The following LIN54 variants were observed in gnomAD, a reference collection of about 807,000 sequenced individuals.
LIN54 encodes the protein lin-54 DREAM MuvB core complex component.
In LIN54, 9 loss-of-function variants were observed where a neutral mutation model predicts 78.7. The observed-to-expected ratio is 0.11, with a 90% CI of 0.07 to 0.20. The LOEUF is 0.20. LIN54 is among the 10% of genes least tolerant of loss of function. LIN54 has a pLI of 1.00. For synonymous variants in LIN54, 269 were observed against 318.4 expected (o/e 0.84, Z 1.65); for missense variants, 573 against 889.9 (o/e 0.64, Z 4.53).
In LIN54 at chr4:82,927,976, T is replaced by C. The variant is rs530921732; in HGVS notation, c.*126A>G. 1.2e-5 allele frequency: 9 copies of C among 749,590 alleles called. No homozygotes were observed. Among genetic ancestry groups the C allele is most frequent in the Non-Finnish European group, 1.6e-5 (7 of 449,182 alleles). 46.4% of individuals were successfully genotyped at this position (749,590 alleles called of 1,614,324 possible). A position where few individuals can be genotyped will look rare whatever the true frequency, so the allele number is the denominator to read the frequency against. Reference sequence around the variant, plus strand: ...TAAAATTTCTTCTCCTTCAGTATTATAATTTCAGGTCTTTTAAAACAAGGA... The same window carrying C: ...TAAAATTTCTTCTCCTTCAGTATTACAATTTCAGGTCTTTTAAAACAAGGA... On this transcript the variant is annotated 3_prime_UTR_variant, in exon 13 of 13. Transcript: ENST00000340417.
rs753203227 is a variant in LIN54 at position 82,984,696 on chromosome 4, A to C, written c.149T>G (p.Ile50Arg). 3 of 1,614,212 alleles carry C rather than the reference A, an allele frequency of 1.9e-6. No homozygotes were observed. The highest frequency in any genetic ancestry group is 2.5e-6 in the Non-Finnish European group (3 of 1,180,038). Residue 50 changes from isoleucine (I) to arginine (R), a missense_variant, in exon 2 of 13, where the codon ATA becomes AGA. Around this residue, in one of 6 missense-constraint regions of LIN54, gnomAD observed 183 missense variants for 228.4 expected, o/e 0.80. Coordinates refer to ENST00000340417, the MANE Select transcript of LIN54 (RefSeq NM_194282.4). The stretch of plus-strand genomic sequence containing the variant: ...GGCTGTAGAGTCACCAGTAGAATTT[A>C]TGTTGACAATTTCTTCCAGTTCTGT... ...METELEEIVN[I>R]NSTGDSTATP...
chr4:83,010,692 C>T lies in LIN54; in HGVS notation c.-241G>A. ...GGGGTGGCGACGTCGCCGTCGCCGC[C>T]GCCTCTGGTATGTCAGGGGCCGGGA... On this transcript the variant is annotated 5_prime_UTR_variant, in exon 1 of 13. Coordinates refer to ENST00000340417, the MANE Select transcript of LIN54 (RefSeq NM_194282.4). 8.1e-7 allele frequency: 1 copy of T among 1,231,994 alleles called. No homozygotes were observed. Among genetic ancestry groups the T allele is most frequent in the Non-Finnish European group, 1.0e-6 (1 of 987,926 alleles). The allele number at this position is 1,231,994 out of a possible 1,614,324, so 76.3% of individuals were successfully genotyped here. A position where few individuals can be genotyped will look rare whatever the true frequency, so the allele number is the denominator to read the frequency against.
intron 12 of LIN54, among the ~76,000 whole-genome samples, chr4:82,928,881 G>A (rs771767336): frequency 3.3e-5 from 5 of 152,178 alleles, no homozygotes; most frequent in Non-Finnish European, 7.3e-5. Context: ...CAAATGTTCT[G>A]TACACAGAGT....
intron 1 of LIN54, among the ~76,000 whole-genome samples, chr4:82,992,247 A>C (rs1471114179): frequency 2.6e-5 from 4 of 152,214 alleles, no homozygotes; most frequent in African/African-American, 9.7e-5. Flanking sequence ...TAGTAGCACA[A>C]AGTTACATGT....
At chr4:82,972,948 T>TAAAAAAA (rs35025108) in intron 3 of LIN54, among the ~76,000 whole-genome samples, 2 of 59,412 alleles carry the variant, frequency 3.4e-5, no homozygotes, top group Non-Finnish European at 7.3e-5. Flanking sequence ...AGAATCCCTC[T>TAAAAAAA]AAAAAAAAAA....
chr4:82,924,877 T>G lies in LIN54; in HGVS notation c.*3225A>C, dbSNP rs1721343784. On this transcript the variant is annotated 3_prime_UTR_variant, in exon 13 of 13. Transcript: ENST00000340417. ...TTAAGAGATACAACATGATCAAAGTTATGGCCGGAGGTCCTGCTGTGAAGC... is the reference window on the plus strand; with the variant it reads ...TTAAGAGATACAACATGATCAAAGTGATGGCCGGAGGTCCTGCTGTGAAGC... The G allele has an allele frequency of 6.6e-6, 1 of 152,654 alleles. No homozygotes were observed. Among genetic ancestry groups the G allele is most frequent in the Admixed American group, 6.5e-5 (1 of 15,278 alleles). The allele number at this position is 152,654 out of a possible 1,614,324, so 9.5% of individuals were successfully genotyped here.
intron 3 of LIN54, among the ~76,000 whole-genome samples, chr4:82,974,081 G>A (rs968915280): frequency 2.0e-5 from 3 of 151,938 alleles, no homozygotes; most frequent in Non-Finnish European, 4.4e-5. Flanking sequence ...GTGGTGGCAG[G>A]CACCTGTAGT....
At chr4:82,956,246 C>A (rs1343709066) in intron 4 of LIN54, among the ~76,000 whole-genome samples, 1 of 151,996 alleles carries the variant, frequency 6.6e-6, no homozygotes, top group South Asian at 2.1e-4. Flanking sequence ...CCACCATGCC[C>A]GACCTATATT....
At chr4:82,971,001 G>A (rs769546434) in intron 3 of LIN54, among the ~76,000 whole-genome samples, 12 of 151,996 alleles carry the variant, frequency 7.9e-5, no homozygotes, top group Non-Finnish European at 1.2e-4. Flanking sequence ...TACCCACCCC[G>A]GCCAGATTCC....
chr4:82,939,962 G>C lies in LIN54; in HGVS notation c.1169C>G (p.Ala390Gly). 6 of 1,593,218 alleles carry C rather than the reference G, an allele frequency of 3.8e-6. No individual in the cohort carries two copies. Among genetic ancestry groups the C allele is most frequent in the Non-Finnish European group, 5.1e-6 (6 of 1,173,246 alleles). Reference protein sequence around the residue: ...PSTNTQPLQQAKPVVVNTTPV... With the variant: ...PSTNTQPLQQGKPVVVNTTPV... ...GGTTGTATTAACAACCACTGGCTTT[G>C]CTTTTTAAAAAACAAAAGAAGGATG... Residue 390 changes from alanine to glycine, a missense_variant and splice_region_variant, in exon 6 of 13, where the codon GCA becomes GGA. Transcript: ENST00000340417.
At chr4:82,992,632 G>A (rs1473341468) in intron 1 of LIN54, among the ~76,000 whole-genome samples, 1 of 152,212 alleles carries the variant, frequency 6.6e-6, no homozygotes, top group Non-Finnish European at 1.5e-5. Context: ...ACGACTCACT[G>A]AAGCGTCGAA....
At chr4:83,011,694 G>T (rs79507643), upstream of LIN54, among the ~76,000 whole-genome samples, 979 of 151,808 alleles carry the variant, frequency 6.4e-3, 10 homozygotes, top group African/African-American at 0.022. Context: ...GTAGGTAAGA[G>T]TTACCAGCTC....
chr4:82,995,771 T>C lies in LIN54; in HGVS notation c.-32-10895A>G, dbSNP rs375601065. ...GCCTCGGTCTCCCAAAGTGCTGGGA[T>C]TACAGGCGTCAGCCTCTACTCCTGG... On this transcript the variant is annotated intron_variant, in intron 1 of 12. Transcript: ENST00000340417. 2.9e-4 allele frequency among the ~76,000 whole-genome samples: 44 copies of C among 151,544 alleles called. No homozygotes were observed. In the East Asian group the frequency reaches 8.1e-3, roughly 28 times the overall value.
chr4:82,962,797 AG>A (rs1314028226), intron 4 of LIN54, among the ~76,000 whole-genome samples: 2 of 101,492 alleles, frequency 2.0e-5, no homozygotes, highest in Admixed American at 8.2e-5. Context: ...TGAAACACAA[AG>A]AAAAAAAAAA....
Position 82,949,862 on chromosome 4 carries a change from T to C in LIN54, c.952-3388A>G, listed in dbSNP as rs543660274. Among the ~76,000 whole-genome samples, 790 of 150,060 alleles carry C rather than the reference T, an allele frequency of 5.3e-3. 6 individuals are homozygous for C. The highest frequency in any genetic ancestry group is 0.018 in the African/African-American group (748 of 40,888). ...TATTTTTGCTTTTTTTTTTTTTTTT[T>C]CCAGATGGAGTCTCACTCTGTCACC... On this transcript the variant is annotated intron_variant, in intron 4 of 12. Coordinates refer to ENST00000340417, the MANE Select transcript of LIN54 (RefSeq NM_194282.4).
rs1483765738 is a variant in LIN54 at position 82,928,287 on chromosome 4, C to T, written c.2065G>A (p.Val689Ile). ...SGGGKLPFTF[V>I]TKEVAEATCN... The stretch of plus-strand genomic sequence containing the variant: ...GTGGCTTCAGCTACTTCCTTAGTTA[C>T]AAATGTAAATGGCAATCTGAAATGA... The change falls in exon 13 of 13, where the codon GTA becomes ATA. Residue 689 changes from valine (V) to isoleucine (I), a missense_variant. Coordinates refer to ENST00000340417, the MANE Select transcript of LIN54 (RefSeq NM_194282.4). 6.2e-7 allele frequency: 1 copy of T among 1,613,876 alleles called. No individual in the cohort carries two copies.
At chr4:82,948,205 G>GA (rs1254626882) in intron 4 of LIN54, among the ~76,000 whole-genome samples, 18 of 152,092 alleles carry the variant, frequency 1.2e-4, no homozygotes, top group Admixed American at 1.2e-3. Flanking sequence ...CAAAATGGGG[G>GA]AAAAACACTA....
chr4:82,942,692 C>T (rs1329436451), intron 5 of LIN54, among the ~76,000 whole-genome samples: 1 of 152,124 alleles, frequency 6.6e-6, no homozygotes, highest in Admixed American at 6.5e-5. Context: ...GTTCCATGAG[C>T]ACAGTGCAGT....
intron 4 of LIN54, among the ~76,000 whole-genome samples, chr4:82,952,448 T>A (rs1337304680): frequency 1.3e-5 from 2 of 152,196 alleles, no homozygotes; most frequent in Non-Finnish European, 2.9e-5. Context: ...TAAGGATGGC[T>A]ACTGTCAAAA....
Sources: gnomAD v4.1 joint callset for allele counts (sites outside exome capture counted in the v4.1 genomes callset) on GRCh38, gnomAD v4.1.1 for gene constraint, gnomAD v4.1.1 regional missense constraint, MANE v1.5 for transcripts, NCBI Gene and HGNC (gene_info 2026-07-23, HGNC 2026-07-21) for gene names.